SAP130: variants seen among roughly 807,000 people sequenced by gnomAD.
SAP130 encodes histone deacetylase complex subunit SAP130.
A neutral mutation model predicts 103.2 loss-of-function variants in SAP130; 16 were observed. That is an observed-to-expected ratio of 0.16 (90% confidence interval 0.10 to 0.24). SAP130 has a LOEUF of 0.24. Among genes scored for constraint, SAP130 ranks in the 10% least tolerant of loss-of-function variants. The pLI, the probability that SAP130 is intolerant of heterozygous loss-of-function variation, is 1.00. For missense variants in SAP130, 990 were observed against 1,359.7 expected, an observed-to-expected ratio of 0.73 and a Z score of 4.28; for synonymous variants, 477 against 497.0, an observed-to-expected ratio of 0.96 and a Z score of 0.53.
At chr2:127,964,553 A>G (rs1025439337) in intron 15 of SAP130, among the ~76,000 whole-genome samples, 1 of 151,862 alleles carries the variant, frequency 6.6e-6, no homozygotes, top group Admixed American at 6.6e-5. Flanking sequence ...AGCATTATAC[A>G]GCAGAATCAG....
At chr2:127,977,828 G>A (rs917890929) in intron 15 of SAP130, among the ~76,000 whole-genome samples, 157 bp downstream of exon 15, 1 of 151,952 alleles carries the variant, frequency 6.6e-6, no homozygotes, top group Non-Finnish European at 1.5e-5. Flanking sequence ...GCTGTCGTGT[G>A]TTACAATTTT....
At chr2:127,995,883 T>C (rs1341772578) in intron 11 of SAP130, among the ~76,000 whole-genome samples, 1 of 152,186 alleles carries the variant, frequency 6.6e-6, no homozygotes, top group African/African-American at 2.4e-5. Context: ...ATAACCTGAA[T>C]GTAACCATGA....
intron 7 of SAP130, among the ~76,000 whole-genome samples, chr2:128,001,806 C>T (rs2105098176): frequency 6.6e-6 from 1 of 151,994 alleles, no homozygotes; most frequent in South Asian, 2.1e-4. Flanking sequence ...GACTGTATCC[C>T]CATCATTAAG....
chr2:127,964,000 A>G (rs1680457096), intron 15 of SAP130, among the ~76,000 whole-genome samples: 2 of 152,332 alleles, frequency 1.3e-5, no homozygotes, highest in East Asian at 3.9e-4. Context: ...AATAGGAATG[A>G]AAGGAGAAAA....
chr2:127,994,323 G>A (rs949384421), intron 11 of SAP130, among the ~76,000 whole-genome samples: 1 of 152,224 alleles, frequency 6.6e-6, no homozygotes, highest in Non-Finnish European at 1.5e-5. Context: ...TTGAGCTCAG[G>A]AGTTCGAGAC....
intron 15 of SAP130, among the ~76,000 whole-genome samples, chr2:127,976,276 C>T (rs1295148641): frequency 6.6e-6 from 1 of 152,240 alleles, no homozygotes; most frequent in Non-Finnish European, 1.5e-5. Flanking sequence ...TTCCTTCATA[C>T]TCTTCTCAGA....
chr2:127,978,404 T>C (rs1262848947), intron 14 of SAP130, among the ~76,000 whole-genome samples: 4 of 152,204 alleles, frequency 2.6e-5, no homozygotes, highest in African/African-American at 9.6e-5. Flanking sequence ...ATCTCCTTTC[T>C]ACTTAATGTT....
Position 128,016,308 on chromosome 2 carries a change from T to C in SAP130, c.507+81A>G, listed in dbSNP as rs993646838. ...GATCTTTTTTTATTACCGTGACTAA[T>C]GTACTGCTAGCATTCAATAAATCAT... On this transcript the variant is annotated intron_variant, in intron 4 of 20. Transcript: ENST00000643581. The C allele has an allele frequency of 2.9e-5, 40 of 1,398,490 alleles. No homozygotes were observed. In the Admixed American group the frequency reaches 6.8e-4, roughly 24 times the overall value. 86.6% of individuals were successfully genotyped at this position (1,398,490 alleles called of 1,614,324 possible).
At chr2:128,016,365 C>A (rs1684779037) in intron 4 of SAP130, 24 bp downstream of exon 4, 1 of 1,600,972 alleles carries the variant, frequency 6.2e-7, no homozygotes, top group Non-Finnish European at 8.5e-7. Context: ...GTTTGAAAAT[C>A]AGCAAATTAA....
chr2:128,000,447 T>C lies in SAP130; in HGVS notation c.877A>G (p.Thr293Ala), dbSNP rs1213534023. The part of the protein sequence containing the change: ...HATDSALSRP[T>A]LSIQHPPSAA... Reference sequence around the variant, plus strand: ...GATGGAGGATGCTGGATAGACAAGGTTGGCCTACTGAAAAGATAACAAAGA... The same window carrying C: ...GATGGAGGATGCTGGATAGACAAGGCTGGCCTACTGAAAAGATAACAAAGA... The change falls in exon 8 of 21, where the codon ACC becomes GCC. Residue 293 changes from threonine to alanine, a missense_variant. By Grantham distance (58) the Thr-to-Ala change is moderately conservative (BLOSUM62 0). Coordinates refer to ENST00000643581, the MANE Select transcript of SAP130 (RefSeq NM_001330301.2). 1.9e-6 allele frequency: 3 copies of C among 1,614,098 alleles called. No individual in the cohort carries two copies. Among genetic ancestry groups the C allele is most frequent in the East Asian group, 2.2e-5 (1 of 44,882 alleles).
At chr2:128,011,781 C>T (rs979620934) in intron 6 of SAP130, among the ~76,000 whole-genome samples, 10 of 152,296 alleles carry the variant, frequency 6.6e-5, no homozygotes, top group Middle Eastern at 3.4e-3. Flanking sequence ...AGGGGACAGA[C>T]CTCCTGTATG....
chr2:128,013,019 C>T lies in SAP130; in HGVS notation c.744+11G>A. The T allele has an allele frequency of 6.2e-7, 1 of 1,602,302 alleles. No homozygotes were observed. Among genetic ancestry groups the T allele is most frequent in the Non-Finnish European group, 8.5e-7 (1 of 1,174,280 alleles). On this transcript the variant is annotated intron_variant, in intron 6 of 20. Transcript: ENST00000643581. Reference sequence around the variant, plus strand: ...AATGAGGCCCTTAATGCACCCCAGGCTCCGACGTGCCTGGATTGGTTGGTG... The same window carrying T: ...AATGAGGCCCTTAATGCACCCCAGGTTCCGACGTGCCTGGATTGGTTGGTG...
rs367614954 is a variant in SAP130 at position 127,945,942 on chromosome 2, C to G, written c.2798-383G>C. Among the ~76,000 whole-genome samples the G allele has an allele frequency of 3.0e-4, 46 of 152,234 alleles. No homozygotes were observed. In the South Asian group the frequency reaches 9.5e-3, roughly 32 times the overall value. On this transcript the variant is annotated intron_variant, in intron 18 of 20. Transcript: ENST00000643581. ...TGTTGGGATTATAGGCATGAGCTGCCGTACCTGGCCATAAGAACTTTTTTA... is the reference window on the plus strand; with the variant it reads ...TGTTGGGATTATAGGCATGAGCTGCGGTACCTGGCCATAAGAACTTTTTTA...
chr2:128,017,210 T>A (rs902803298), intron 3 of SAP130, among the ~76,000 whole-genome samples: 18 of 152,210 alleles, frequency 1.2e-4, no homozygotes, highest in African/African-American at 4.3e-4. Context: ...TAATACCAGC[T>A]ACTTGGGAGG....
At chr2:127,992,285 C>CTTT (rs747417050) in intron 12 of SAP130, among the ~76,000 whole-genome samples, 4 of 123,548 alleles carry the variant, frequency 3.2e-5, no homozygotes, top group African/African-American at 1.2e-4. Flanking sequence ...GGCAATAAGG[C>CTTT]TTTTTTTTTT....
chr2:127,951,201 C>T (rs1679473498), intron 16 of SAP130, among the ~76,000 whole-genome samples: 1 of 152,178 alleles, frequency 6.6e-6, no homozygotes, highest in South Asian at 2.1e-4. Flanking sequence ...CCGCAGTGTG[C>T]TACCTCCAGA....
At chr2:127,999,943 G>A (rs1026231815) in intron 9 of SAP130, 98 bp from the exon 10 acceptor site, 71 of 1,437,012 alleles carry the variant, frequency 4.9e-5, no homozygotes, top group Non-Finnish European at 6.3e-5. Context: ...AAAGTTAAGA[G>A]AATTTTTCTA....
chr2:127,992,215 G>A (rs1458643208), intron 12 of SAP130, among the ~76,000 whole-genome samples: 1 of 151,324 alleles, frequency 6.6e-6, no homozygotes, highest in Non-Finnish European at 1.5e-5. Context: ...CAAGTGATCT[G>A]CCCACCATGG....
At chr2:128,006,518 T>C (rs1046804684) in intron 7 of SAP130, among the ~76,000 whole-genome samples, 1 of 152,234 alleles carries the variant, frequency 6.6e-6, no homozygotes, top group Non-Finnish European at 1.5e-5. Context: ...CTCACAATTG[T>C]AATCCCAGCA....
Sources: allele counts gnomAD v4.1 joint callset (sites outside exome capture counted in the v4.1 genomes callset), GRCh38; gene constraint gnomAD v4.1.1; transcripts MANE v1.5; gene names NCBI Gene and HGNC (gene_info 2026-07-23, HGNC 2026-07-21).